The following EYS variants were observed in gnomAD, a reference collection of about 807,000 sequenced individuals.
The protein encoded by EYS is protein eyes shut homolog.
EYS carries 250 observed loss-of-function variants against 282.1 expected under a neutral mutation model. The observed-to-expected ratio is 0.89, with a 90% CI of 0.80 to 0.98. EYS has a LOEUF of 0.98. EYS is among the 50% of genes least tolerant of loss of function. EYS has a pLI of 0.00. For missense variants in EYS, 4,016 were observed against 3,709.0 expected (o/e 1.08, Z -2.15); for synonymous variants, 1,355 against 1,282.9 (o/e 1.06, Z -1.20).
At chr6:64,218,881 G>T (rs2150331982) in intron 31 of EYS, among the ~76,000 whole-genome samples, 1 of 152,202 alleles carries the variant, frequency 6.6e-6, no homozygotes, top group South Asian at 2.1e-4. Context: ...TGATGATGAG[G>T]AAGGTAACAC....
chr6:63,854,339 C>G (rs935847425), intron 36 of EYS, among the ~76,000 whole-genome samples: 3 of 152,104 alleles, frequency 2.0e-5, no homozygotes, highest in Non-Finnish European at 4.4e-5. Context: ...TCATTCTCAG[C>G]AAACTAACAC....
chr6:65,635,148 T>A (rs773156496), intron 2 of EYS, among the ~76,000 whole-genome samples: 11 of 152,154 alleles, frequency 7.2e-5, no homozygotes, highest in Non-Finnish European at 1.0e-4. Flanking sequence ...GGGAACCCCA[T>A]GAGTAGATGC....
At position 65,057,720 on chromosome 6, in the gene EYS, T is replaced by C. The variant is rs1327127372; in HGVS notation, c.2031A>G (p.Gln677=). ...RKCVPGFKGT[Q]CEIDIDECAS... is the part of the protein sequence containing the mutation. ...CACACTCATCTATATCAATTTCACA[T>C]TGCGTACCTTTGGAAAATAGGAAAA... The change falls in exon 13 of 43, where the codon CAA becomes CAG. Residue 677 remains glutamine (Q), a synonymous_variant. Transcript: ENST00000503581. 2 of 1,541,994 alleles carry C rather than the reference T, an allele frequency of 1.3e-6. No individual in the cohort carries two copies. Among genetic ancestry groups the C allele is most frequent in the Admixed American group, 3.9e-5 (2 of 50,790 alleles).
chr6:65,509,967 A>C (rs1017203339), intron 2 of EYS, among the ~76,000 whole-genome samples: 2 of 151,832 alleles, frequency 1.3e-5, no homozygotes, highest in Non-Finnish European at 2.9e-5. Context: ...TGGACCACAC[A>C]TATTATTGTT....
At chr6:65,172,126 T>C (rs116225464) in intron 12 of EYS, among the ~76,000 whole-genome samples, 2,537 of 151,206 alleles carry the variant, frequency 0.017, 90 homozygotes, top group African/African-American at 0.058. Flanking sequence ...GCAATACTCA[T>C]TGAATTATTC....
At chr6:65,405,391 A>AAAT (rs770537390) in intron 5 of EYS, 24 bp from the exon 6 acceptor site, 14 of 1,578,752 alleles carry the variant, frequency 8.9e-6, no homozygotes, top group Non-Finnish European at 1.2e-5. Flanking sequence ...CACACAAGAA[A>AAAT]AAAAAAGAAA....
intron 22 of EYS, among the ~76,000 whole-genome samples, chr6:64,760,866 G>T (rs1404871789): frequency 1.3e-5 from 2 of 152,198 alleles, no homozygotes; most frequent in African/African-American, 4.8e-5. Context: ...TACTGAAAGA[G>T]GCTGGTGGTA....
intron 41 of EYS, among the ~76,000 whole-genome samples, chr6:63,745,225 C>T (rs1053542328): frequency 2.0e-5 from 3 of 152,116 alleles, no homozygotes; most frequent in African/African-American, 4.8e-5. Flanking sequence ...AGGAGGCTTT[C>T]CACCAAAAAA....
At chr6:64,164,537 C>T (rs1322847097) in intron 31 of EYS, among the ~76,000 whole-genome samples, 2 of 152,108 alleles carry the variant, frequency 1.3e-5, no homozygotes, top group South Asian at 2.1e-4. Flanking sequence ...CTCCTTTGCA[C>T]TATACTAAAA....
At chr6:63,905,077 C>T (rs1049811141) in intron 35 of EYS, among the ~76,000 whole-genome samples, 1 of 152,198 alleles carries the variant, frequency 6.6e-6, no homozygotes, top group Non-Finnish European at 1.5e-5. Flanking sequence ...CTCCTGTCCT[C>T]TGCGATCACT....
intron 29 of EYS, among the ~76,000 whole-genome samples, chr6:64,354,334 C>A (rs565610869): frequency 1.8e-3 from 277 of 151,728 alleles, no homozygotes; most frequent in Non-Finnish European, 3.2e-3. Flanking sequence ...ATTACTCCCA[C>A]AAGCGCCATC....
intron 19 of EYS, among the ~76,000 whole-genome samples, chr6:64,852,537 C>G (rs950855787): frequency 6.6e-6 from 1 of 152,032 alleles, no homozygotes. Flanking sequence ...CTCCCCTTTA[C>G]ATATATATGA....
chr6:63,835,731 A>G (rs1357145087), intron 36 of EYS, among the ~76,000 whole-genome samples: 2 of 152,126 alleles, frequency 1.3e-5, no homozygotes, highest in Admixed American at 1.3e-4. Context: ...TGGACAAATA[A>G]TAATAAATTA....
intron 19 of EYS, among the ~76,000 whole-genome samples, chr6:64,864,385 C>CTTTTTTTTTTTTTTTTTTTTTGTTTTT (rs1766352024): frequency 1.7e-5 from 1 of 57,166 alleles, no homozygotes; most frequent in African/African-American, 5.9e-5. Context: ...GCTATACCTT[C>CTTTTTTTTTTTTTTTTTTTTTGTTTTT]TTTTTTTTTT....
At chr6:64,350,325 C>A (rs1042982975) in intron 29 of EYS, among the ~76,000 whole-genome samples, 2 of 89,666 alleles carry the variant, frequency 2.2e-5, no homozygotes, top group Non-Finnish European at 5.2e-5. Flanking sequence ...CTATGACAAG[C>A]CCTTGCTTAA....
In EYS at chr6:64,875,921, CATT is replaced by C. The variant is rs1383649464; in HGVS notation, c.2992+10773_2992+10775del. Among the ~76,000 whole-genome samples the C allele has an allele frequency of 3.3e-5, 5 of 151,946 alleles. No individual in the cohort carries two copies. In the East Asian group the frequency reaches 9.7e-4, roughly 29 times the overall value. On this transcript the variant is annotated intron_variant, in intron 19 of 42. Coordinates refer to ENST00000503581, the MANE Select transcript of EYS (RefSeq NM_001142800.2). ...TAATAGACATTACTTAATCTCAAATCATTATCTTATTTTGTAGAGTATAAAAAT... is the reference window on the plus strand; with the variant it reads ...TAATAGACATTACTTAATCTCAAATCATCTTATTTTGTAGAGTATAAAAAT...
intron 8 of EYS, among the ~76,000 whole-genome samples, chr6:65,371,549 T>C (rs1304714423): frequency 6.6e-6 from 1 of 151,958 alleles, no homozygotes; most frequent in African/African-American, 2.4e-5. Flanking sequence ...AGCAGGAATA[T>C]GCCTGAGTTC....
intron 5 of EYS, among the ~76,000 whole-genome samples, chr6:65,454,837 G>A (rs1420728371): frequency 6.6e-6 from 1 of 151,896 alleles, no homozygotes; most frequent in East Asian, 1.9e-4. Context: ...TTATTTCTGG[G>A]ATCCCTATTG....
intron 35 of EYS, among the ~76,000 whole-genome samples, chr6:63,921,176 G>A (rs1764564790): frequency 6.6e-6 from 1 of 152,206 alleles, no homozygotes; most frequent in Non-Finnish European, 1.5e-5. Flanking sequence ...GATTACAGGC[G>A]TGAGCCACCG....
Sources: allele counts gnomAD v4.1 joint callset (sites outside exome capture counted in the v4.1 genomes callset), GRCh38; gene constraint gnomAD v4.1.1; transcripts MANE v1.5; gene names NCBI Gene and HGNC (gene_info 2026-07-23, HGNC 2026-07-21).